Variants in PLPP1 observed in about 807,000 individuals in gnomAD.
PLPP1 encodes phospholipid phosphatase 1.
PLPP1 carries 24 observed loss-of-function variants against 31.2 expected under a neutral mutation model. The ratio of observed to expected loss-of-function variants is 0.77; its 90% CI spans 0.56 to 1.08. The LOEUF (loss-of-function observed/expected upper bound fraction) is 1.08, where lower values mean the gene tolerates loss of function less well. Among genes scored for constraint, PLPP1 ranks in the 50% least tolerant of loss-of-function variants. PLPP1 has a pLI of 0.00. For synonymous variants in PLPP1, 146 were observed against 126.3 expected (o/e 1.16, Z -1.05); for missense variants, 319 against 342.7 (o/e 0.93, Z 0.55).
intron 1 of PLPP1, chr5:55,530,707 G>C: frequency 6.3e-7 from 1 of 1,576,580 alleles, no homozygotes; most frequent in Non-Finnish European, 8.7e-7. Context: ...CTCTCTTCTA[G>C]TCACATTTCC....
chr5:55,475,294 C>T lies in PLPP1; in HGVS notation c.210+5G>A. ...TATAAACTTGGAAAAGTGGATTTAA[C>T]TTACAACGATAATACTGAATGGAAT... On this transcript the variant is annotated splice_donor_5th_base_variant and intron_variant, in intron 2 of 5. Coordinates refer to ENST00000307259, the MANE Select transcript of PLPP1 (RefSeq NM_003711.4). 2 of 1,597,504 alleles carry T rather than the reference C, an allele frequency of 1.3e-6. No individual in the cohort carries two copies. The highest frequency in any genetic ancestry group is 8.5e-7 in the Non-Finnish European group (1 of 1,174,612).
intron 4 of PLPP1, among the ~76,000 whole-genome samples, chr5:55,433,762 G>A (rs958583665): frequency 2.0e-5 from 3 of 151,682 alleles, no homozygotes; most frequent in Non-Finnish European, 2.9e-5. Flanking sequence ...CTCCCAAAGT[G>A]CTGGGATTAC....
chr5:55,497,407 G>A (rs1181038959), intron 1 of PLPP1, among the ~76,000 whole-genome samples: 1 of 150,818 alleles, frequency 6.6e-6, no homozygotes, highest in Non-Finnish European at 1.5e-5. Flanking sequence ...TACCATTCCT[G>A]GCTAATTTTT....
At chr5:55,527,522 T>C (rs186660969) in intron 1 of PLPP1, among the ~76,000 whole-genome samples, 64 of 152,286 alleles carry the variant, frequency 4.2e-4, no homozygotes, top group Admixed American at 6.5e-4. Flanking sequence ...GACACTGTAA[T>C]TGGTGTTTAA....
chr5:55,530,701 C>T (rs1740631527), intron 1 of PLPP1: 1 of 1,580,516 alleles, frequency 6.3e-7, no homozygotes, highest in African/African-American at 1.3e-5. Flanking sequence ...CATGCTCTCT[C>T]TTCTAGTCAC....
chr5:55,502,087 GTTAA>G (rs1319225588), intron 1 of PLPP1, among the ~76,000 whole-genome samples: 1 of 152,138 alleles, frequency 6.6e-6, no homozygotes, highest in Non-Finnish European at 1.5e-5. Context: ...AAATATCAAA[GTTAA>G]TTACGCATTA....
At chr5:55,486,210 T>C (rs1282284684) in intron 1 of PLPP1, among the ~76,000 whole-genome samples, 1 of 152,176 alleles carries the variant, frequency 6.6e-6, no homozygotes, top group East Asian at 1.9e-4. Context: ...TCTTGGCAAT[T>C]TTCTTCCACT....
intron 3 of PLPP1, among the ~76,000 whole-genome samples, chr5:55,453,197 A>C (rs1424855035): frequency 1.3e-5 from 2 of 152,216 alleles, no homozygotes; most frequent in African/African-American, 4.8e-5. Context: ...CAAGAAGTAT[A>C]CTTTAACAAC....
At chr5:55,463,791 A>G (rs1752222111) in intron 3 of PLPP1, among the ~76,000 whole-genome samples, 2 of 134,376 alleles carry the variant, frequency 1.5e-5, no homozygotes, top group South Asian at 4.5e-4. Context: ...ATAAATAAAT[A>G]AATAAATAAA....
intron 3 of PLPP1, among the ~76,000 whole-genome samples, chr5:55,449,313 G>A (rs186731355): frequency 6.6e-6 from 1 of 152,112 alleles, no homozygotes; most frequent in African/African-American, 2.4e-5. Context: ...CACATAACAC[G>A]GTGATAATAC....
chr5:55,501,715 G>A (rs572073052), intron 1 of PLPP1, among the ~76,000 whole-genome samples: 2 of 152,296 alleles, frequency 1.3e-5, no homozygotes, highest in Non-Finnish European at 2.9e-5. Flanking sequence ...TGTTGGCCAG[G>A]CTGGTCTGGA....
At chr5:55,493,777 G>A (rs1359899694) in intron 1 of PLPP1, among the ~76,000 whole-genome samples, 1 of 151,952 alleles carries the variant, frequency 6.6e-6, no homozygotes, top group Non-Finnish European at 1.5e-5. Flanking sequence ...CTACTTGGAA[G>A]GCTGAGGCAG....
chr5:55,425,023 G>T lies in PLPP1; in HGVS notation c.*183C>A. 1.2e-6 allele frequency: 1 copy of T among 828,514 alleles called. No homozygotes were observed. The highest frequency in any genetic ancestry group is 1.9e-6 in the Non-Finnish European group (1 of 534,888). The allele number at this position is 828,514 out of a possible 1,614,324, so 51.3% of individuals were successfully genotyped here. ...TTGGAGTTTTTTTAATGAGTTTAGA[G>T]CTATTAGATAACCACTGAGTTAAAG... On this transcript the variant is annotated 3_prime_UTR_variant, in exon 6 of 6. Transcript: ENST00000307259.
chr5:55,448,164 T>C (rs903217858), intron 3 of PLPP1, among the ~76,000 whole-genome samples: 3 of 152,204 alleles, frequency 2.0e-5, no homozygotes, highest in African/African-American at 7.2e-5. Flanking sequence ...CAGAAAGATT[T>C]TGACAATCGA....
chr5:55,500,872 G>A (rs1178967456), intron 1 of PLPP1, among the ~76,000 whole-genome samples: 1 of 152,064 alleles, frequency 6.6e-6, no homozygotes, highest in South Asian at 2.1e-4. Context: ...AACATTTTTT[G>A]TTTCTTGAAA....
chr5:55,529,269 G>A (rs1561259826), intron 1 of PLPP1, among the ~76,000 whole-genome samples: 1 of 150,724 alleles, frequency 6.6e-6, no homozygotes, highest in Non-Finnish European at 1.5e-5. Context: ...ACACACAAAA[G>A]TATATATATA....
At chr5:55,468,794 A>T (rs1233723917) in intron 2 of PLPP1, among the ~76,000 whole-genome samples, 1 of 151,916 alleles carries the variant, frequency 6.6e-6, no homozygotes, top group Non-Finnish European at 1.5e-5. Context: ...CAAGAGCAAG[A>T]CTCCGTCTCA....
chr5:55,450,148 A>G (rs1751861861), intron 3 of PLPP1, among the ~76,000 whole-genome samples: 1 of 152,222 alleles, frequency 6.6e-6, no homozygotes, highest in Non-Finnish European at 1.5e-5. Flanking sequence ...GCCACATTAC[A>G]TAGAGAGACA....
intron 5 of PLPP1, 133 bp from the exon 6 acceptor site, chr5:55,425,467 A>AAATT: frequency 2.5e-6 from 2 of 808,592 alleles, no homozygotes; most frequent in Non-Finnish European, 3.6e-6. Flanking sequence ...AGCATATAAA[A>AAATT]AATTAGAGAC....
Sources: gnomAD v4.1 joint callset for allele counts (sites outside exome capture counted in the v4.1 genomes callset) on GRCh38, gnomAD v4.1.1 for gene constraint, MANE v1.5 for transcripts, NCBI Gene and HGNC (gene_info 2026-07-23, HGNC 2026-07-21) for gene names.